CCDC3: variants seen among roughly 807,000 people sequenced by gnomAD.
The protein encoded by CCDC3 is coiled-coil domain-containing protein 3.
Under a neutral mutation model 21.4 loss-of-function variants are expected in CCDC3, and 24 were observed. That is an observed-to-expected ratio of 1.12 (90% CI 0.81 to 1.58). The LOEUF is 1.58. Among genes scored for constraint, CCDC3 ranks in the 40% most tolerant of loss-of-function variants. The pLI is 0.00. For synonymous variants in CCDC3, 186 were observed against 166.0 expected (o/e 1.12, Z -0.93); for missense variants, 425 against 360.9 (o/e 1.18, Z -1.44).
At chr10:12,986,729 T>G (rs779938845) in intron 2 of CCDC3, among the ~76,000 whole-genome samples, 2 of 149,708 alleles carry the variant, frequency 1.3e-5, no homozygotes, top group Admixed American at 6.7e-5. Flanking sequence ...GCCGAGATCG[T>G]GCCACTGCAC....
intron 2 of CCDC3, among the ~76,000 whole-genome samples, chr10:12,979,603 C>T (rs908033883): frequency 1.3e-5 from 2 of 151,964 alleles, no homozygotes; most frequent in African/African-American, 4.8e-5. Context: ...AACTCCCGGA[C>T]TCAAGTGATC....
intron 5 of CCDC3, among the ~76,000 whole-genome samples, chr10:13,008,633 G>C (rs1835950934): frequency 6.6e-6 from 1 of 152,174 alleles, no homozygotes; most frequent in Non-Finnish European, 1.5e-5. Flanking sequence ...TGAATTCATA[G>C]ATTTTAATAA....
chr10:12,981,050 T>C (rs825420), intron 2 of CCDC3, among the ~76,000 whole-genome samples: 92,602 of 151,836 alleles, frequency 0.61, 28,486 homozygotes, highest in Middle Eastern at 0.67. Context: ...CTTTTTTTTT[T>C]TTTTAAGAGA....
At chr10:12,964,376 G>GAA (rs34399404) in intron 2 of CCDC3, among the ~76,000 whole-genome samples, 4,513 of 146,766 alleles carry the variant, frequency 0.031, 216 homozygotes, top group African/African-American at 0.1. Flanking sequence ...CCATCTTAAA[G>GAA]AAAAAAAAAA....
intron 2 of CCDC3, among the ~76,000 whole-genome samples, chr10:12,958,839 T>C (rs1487233966): frequency 6.6e-6 from 1 of 152,106 alleles, no homozygotes; most frequent in African/African-American, 2.4e-5. Flanking sequence ...CTTCTTTCCC[T>C]ATGGTTCCAG....
intron 2 of CCDC3, among the ~76,000 whole-genome samples, chr10:12,923,398 T>C (rs142527018): frequency 3.3e-5 from 5 of 152,298 alleles, no homozygotes; most frequent in African/African-American, 9.6e-5. Flanking sequence ...ACATTACTTC[T>C]GAGTCTTTAT....
At chr10:12,983,600 A>T (rs1835540408) in intron 2 of CCDC3, among the ~76,000 whole-genome samples, 1 of 151,830 alleles carries the variant, frequency 6.6e-6, no homozygotes, top group Non-Finnish European at 1.5e-5. Flanking sequence ...AAGAAAACAA[A>T]ACGAAAAAAA....
rs891940784 is a variant in CCDC3, at chr10:12,992,500, C to G, written c.549+5838G>C. 2.0e-5 allele frequency among the ~76,000 whole-genome samples: 3 copies of G among 152,178 alleles called. No individual in the cohort carries two copies. In the East Asian group the frequency reaches 5.8e-4, roughly 29 times the overall value. On this transcript the variant is annotated intron_variant, in intron 2 of 2. Transcript: ENST00000378825. The stretch of plus-strand genomic sequence containing the variant: ...TAAAAAGGAATGAAATAATGGCATT[C>G]GCAGAGATCCGGATGGAACTGGAGA...
intron 4 of CCDC3, among the ~76,000 whole-genome samples, chr10:13,072,401 G>C (rs751628479): frequency 6.6e-6 from 1 of 152,194 alleles, no homozygotes; most frequent in Non-Finnish European, 1.5e-5. Flanking sequence ...TTCTTTAGAG[G>C]GGGGAATAAG....
intron 5 of CCDC3, among the ~76,000 whole-genome samples, chr10:13,007,364 A>G (rs1835937052): frequency 6.6e-6 from 1 of 152,170 alleles, no homozygotes; most frequent in Non-Finnish European, 1.5e-5. Context: ...TAGTCAACCA[A>G]TCAAGTAAGC....
chr10:13,000,921 G>A (rs1835839433), intron 1 of CCDC3, among the ~76,000 whole-genome samples: 1 of 152,198 alleles, frequency 6.6e-6, no homozygotes, highest in African/African-American at 2.4e-5. Flanking sequence ...CTGTTGGAGG[G>A]CGCTTTGAGC....
chr10:13,059,982 G>A (rs1010368832), intron 4 of CCDC3, among the ~76,000 whole-genome samples: 4 of 152,074 alleles, frequency 2.6e-5, no homozygotes, highest in African/African-American at 9.7e-5. Context: ...TACTTGGGAG[G>A]CTGAGGCAGG....
At chr10:12,966,656 C>G (rs1835267118) in intron 2 of CCDC3, among the ~76,000 whole-genome samples, 1 of 152,192 alleles carries the variant, frequency 6.6e-6, no homozygotes, top group Non-Finnish European at 1.5e-5. Context: ...CTAAGTCCAT[C>G]TAACCCTGAG....
chr10:13,044,188 C>T (rs765929283), intron 5 of CCDC3, among the ~76,000 whole-genome samples: 2 of 152,086 alleles, frequency 1.3e-5, no homozygotes, highest in Non-Finnish European at 2.9e-5. Context: ...GTCTTTTGCC[C>T]GATTCTAATA....
rs369666078 is a variant in CCDC3 at position 13,048,691 on chromosome 10, C to G, written c.-2+983G>C. Reference sequence around the variant, plus strand: ...AGGTGTTTCCTAAGTGTTACCTCCACAAGCAGATGAGTCAACTTGGCAGGT... The same window carrying G: ...AGGTGTTTCCTAAGTGTTACCTCCAGAAGCAGATGAGTCAACTTGGCAGGT... On this transcript the variant is annotated intron_variant, in intron 5 of 6. Transcript: ENST00000378839. Among the ~76,000 whole-genome samples the G allele has an allele frequency of 1.4e-4, 22 of 152,240 alleles. No homozygotes were observed. The East Asian group carries it at 4.1e-3, about 28-fold the overall frequency.
intron 4 of CCDC3, among the ~76,000 whole-genome samples, chr10:13,072,341 T>C (rs901196879): frequency 2.0e-5 from 3 of 151,732 alleles, no homozygotes; most frequent in Non-Finnish European, 4.4e-5. Flanking sequence ...AGCAGTTAAT[T>C]TTGGTCATCA....
intron 5 of CCDC3, among the ~76,000 whole-genome samples, chr10:13,042,951 G>T (rs1168869843): frequency 6.6e-6 from 1 of 151,194 alleles, no homozygotes; most frequent in Non-Finnish European, 1.5e-5. Context: ...AAACTCCATG[G>T]CTTCTCACAC....
intron 3 of CCDC3, among the ~76,000 whole-genome samples, chr10:13,084,923 C>A (rs1310185298): frequency 6.6e-6 from 1 of 152,166 alleles, no homozygotes; most frequent in Non-Finnish European, 1.5e-5. Context: ...CGTTCCCCAA[C>A]AGAAAATCAC....
At chr10:12,944,589 A>G (rs1490219489) in intron 2 of CCDC3, among the ~76,000 whole-genome samples, 1 of 139,356 alleles carries the variant, frequency 7.2e-6, no homozygotes, top group Non-Finnish European at 1.6e-5. Flanking sequence ...CACTTTGGGC[A>G]CATGTTCTCA....
Sources: allele counts gnomAD v4.1 joint callset (sites outside exome capture counted in the v4.1 genomes callset), GRCh38; gene constraint gnomAD v4.1.1; transcripts MANE v1.5; gene names NCBI Gene and HGNC (gene_info 2026-07-23, HGNC 2026-07-21).